The following ECHDC2 variants were observed in gnomAD, a reference collection of about 807,000 sequenced individuals.
ECHDC2 encodes enoyl-CoA hydratase domain containing 2.
In ECHDC2, 34 loss-of-function variants were observed where a neutral mutation model predicts 40.6. That is an observed-to-expected ratio of 0.84 (90% CI 0.64 to 1.11). The LOEUF (loss-of-function observed/expected upper bound fraction) is 1.11. ECHDC2 is among the 50% of genes most tolerant of loss of function. The probability of loss-of-function intolerance (pLI) is 0.00; values close to 1 mark genes in which losing one functional copy is unlikely to be tolerated. For missense variants in ECHDC2, 392 were observed against 400.7 expected, an observed-to-expected ratio of 0.98 and a Z score of 0.19; for synonymous variants, 162 against 166.6, an observed-to-expected ratio of 0.97 and a Z score of 0.21.
intron 3 of ECHDC2, among the ~76,000 whole-genome samples, chr1:52,910,421 T>C (rs1435590434): frequency 1.6e-5 from 2 of 122,110 alleles, no homozygotes; most frequent in African/African-American, 6.2e-5. Context: ...CAGGCTGGAG[T>C]GCAGTGGCGT....
intron 9 of ECHDC2, 194 bp downstream of exon 9, chr1:52,897,243 G>A (rs1221948040): frequency 6.4e-6 from 4 of 626,104 alleles, no homozygotes; most frequent in South Asian, 1.9e-5. Flanking sequence ...ACATTAGATG[G>A]TTGAGGGAAA....
chr1:52,918,394 T>C (rs576964503), intron 1 of ECHDC2, among the ~76,000 whole-genome samples: 3 of 149,134 alleles, frequency 2.0e-5, no homozygotes, highest in African/African-American at 4.9e-5. Context: ...AAAAGTTCAG[T>C]GTAACACAGC....
intron 1 of ECHDC2, chr1:52,912,764 C>G (rs1220489558): frequency 1.3e-5 from 2 of 152,016 alleles, no homozygotes; most frequent in East Asian, 3.9e-4. Context: ...CTTGGCTCAC[C>G]ACAACCTCCG....
chr1:52,912,087 T>C (rs1649653265), intron 1 of ECHDC2: 2 of 1,339,258 alleles, frequency 1.5e-6, no homozygotes, highest in Non-Finnish European at 1.9e-6. Flanking sequence ...GCTTCTGCTG[T>C]TGTTAGACAG....
At chr1:52,908,763 G>A (rs1479466376) in intron 3 of ECHDC2, among the ~76,000 whole-genome samples, 2 of 151,628 alleles carry the variant, frequency 1.3e-5, no homozygotes, top group Non-Finnish European at 2.9e-5. Flanking sequence ...GTGAAACAGT[G>A]TCTCTACTAA....
intron 7 of ECHDC2, chr1:52,901,971 GC>G (rs1187765610): frequency 6.6e-6 from 1 of 151,616 alleles, no homozygotes; most frequent in African/African-American, 2.4e-5. Flanking sequence ...AAACTTGACA[GC>G]ATTAATATTG....
chr1:52,904,388 C>CTGGACATG (rs1317889873), intron 7 of ECHDC2, among the ~76,000 whole-genome samples: 1 of 152,252 alleles, frequency 6.6e-6, no homozygotes, highest in Non-Finnish European at 1.5e-5. Context: ...TATCTCATCT[C>CTGGACATG]AGAATGGTCT....
At chr1:52,897,580 G>T in intron 8 of ECHDC2, 96 bp from the exon 9 acceptor site, 1 of 1,157,002 alleles carries the variant, frequency 8.6e-7, no homozygotes, top group Non-Finnish European at 1.3e-6. Context: ...ACATCTATAT[G>T]AGCAGAGATA....
At chr1:52,918,137 C>G (rs910521303) in intron 1 of ECHDC2, among the ~76,000 whole-genome samples, 1 of 152,180 alleles carries the variant, frequency 6.6e-6, no homozygotes, top group Non-Finnish European at 1.5e-5. Context: ...CATCCTCCCA[C>G]CTCAGCCTCC....
intron 9 of ECHDC2, chr1:52,896,944 C>T (rs1408850699): frequency 1.6e-5 from 5 of 312,800 alleles, no homozygotes; most frequent in Non-Finnish European, 3.0e-5. Context: ...AATCCAGGTT[C>T]ACACTAGTTT....
intron 1 of ECHDC2, among the ~76,000 whole-genome samples, chr1:52,916,453 A>G (rs1650681868): frequency 6.6e-6 from 1 of 152,226 alleles, no homozygotes; most frequent in African/African-American, 2.4e-5. Context: ...GGCCTTGGGC[A>G]AACCACTTTA....
rs548196850 is a variant in ECHDC2, at chr1:52,914,260, G to A, written c.122-2470C>T. On this transcript the variant is annotated intron_variant, in intron 1 of 9. Coordinates refer to ENST00000371522, the MANE Select transcript of ECHDC2 (RefSeq NM_001198961.2). This position sits in a 1 kb window ranked among gnomAD's most constrained non-coding sequence, Gnocchi z 4.0. ...TGGCCTTTAAGCTGAGAGCTGACAG[G>A]AGAGTAGGAATTGGCCAGGCAAAAG... Among the ~76,000 whole-genome samples the A allele has an allele frequency of 6.6e-6, 1 of 152,350 alleles. No homozygotes were observed. The highest frequency in any genetic ancestry group is 2.1e-4 in the South Asian group (1 of 4,830).
intron 1 of ECHDC2, among the ~76,000 whole-genome samples, chr1:52,916,933 C>T (rs557437531): frequency 6.6e-6 from 1 of 152,256 alleles, no homozygotes; most frequent in Admixed American, 6.5e-5. Flanking sequence ...CAACAGAAAC[C>T]ACTAGAAGGG....
chr1:52,918,642 C>T (rs1651255846), intron 1 of ECHDC2, among the ~76,000 whole-genome samples: 1 of 151,846 alleles, frequency 6.6e-6, no homozygotes, highest in Admixed American at 6.6e-5. Flanking sequence ...TTTGTACAGC[C>T]GTACAATGTG....
In ECHDC2 at chr1:52,896,566, A is replaced by G. The variant is rs759343061; in HGVS notation, c.833T>C (p.Met278Thr). ...AGTCCGCTTCTCCCTGAAGGCTGCC[A>G]TGCCCTCTAGCCGGTCCCGGGTTGG... is the stretch of plus-strand genomic sequence containing the variant. ...NIPTRDRLEG[M>T]AAFREKRTPK... Residue 278 changes from methionine to threonine, a missense_variant, in exon 10 of 10, where the codon ATG becomes ACG. Physicochemically the swap from Met to Thr is moderately conservative, Grantham distance 81. Coordinates refer to ENST00000371522, the MANE Select transcript of ECHDC2 (RefSeq NM_001198961.2). The G allele has an allele frequency of 1.2e-6, 2 of 1,614,160 alleles. No individual in the cohort carries two copies. Among genetic ancestry groups the G allele is most frequent in the Admixed American group, 1.7e-5 (1 of 60,012 alleles).
In ECHDC2 at chr1:52,904,820, C is replaced by A. The variant is rs1557489298; in HGVS notation, c.528G>T (p.Arg176Ser). The change falls in exon 7 of 10, where the codon AGG becomes AGT. Residue 176 changes from arginine (R) to serine (S), a missense_variant. Coordinates refer to ENST00000371522, the MANE Select transcript of ECHDC2 (RefSeq NM_001198961.2). ...GLLPGAGGTQ[R>S]LPRCLGVALA... Reference sequence around the variant, plus strand: ...GGGCCACCCCCAGACAACGGGGCAGCCTCTGAGTCCCTCCTACCAGGATGG... The same window carrying A: ...GGGCCACCCCCAGACAACGGGGCAGACTCTGAGTCCCTCCTACCAGGATGG... The A allele has an allele frequency of 6.2e-7, 1 of 1,611,824 alleles. No homozygotes were observed. The highest frequency in any genetic ancestry group is 1.1e-5 in the South Asian group (1 of 90,848).
chr1:52,899,899 A>C (rs12081523), intron 7 of ECHDC2: 2 of 151,082 alleles, frequency 1.3e-5, no homozygotes, highest in African/African-American at 4.9e-5. Flanking sequence ...CAGCCCTAGC[A>C]CTCCAGTCTC....
intron 9 of ECHDC2, 30 bp downstream of exon 9, chr1:52,897,407 A>C (rs762958396): frequency 6.2e-7 from 1 of 1,612,604 alleles, no homozygotes; most frequent in South Asian, 1.1e-5. Flanking sequence ...GCCTATGTTA[A>C]CAAGCAGGCA....
intron 9 of ECHDC2, 155 bp from the exon 10 acceptor site, chr1:52,896,752 G>A (rs1557469158): frequency 1.6e-5 from 10 of 627,822 alleles, no homozygotes; most frequent in South Asian, 5.8e-5. Context: ...ATAAGCCTCC[G>A]TGGCTGCTTT....
Sources: allele counts gnomAD v4.1 joint callset (sites outside exome capture counted in the v4.1 genomes callset), GRCh38; gene constraint gnomAD v4.1.1; non-coding constraint Gnocchi (gnomAD v3.1); transcripts MANE v1.5; gene names NCBI Gene and HGNC (gene_info 2026-07-23, HGNC 2026-07-21).